Variants in CACNA2D3 observed in about 807,000 individuals in gnomAD.
CACNA2D3 encodes voltage-dependent calcium channel subunit alpha-2/delta-3.
In CACNA2D3, 60 loss-of-function variants were observed where a neutral mutation model predicts 160.6. That is an observed-to-expected ratio of 0.37 (90% confidence interval 0.30 to 0.46). The LOEUF (loss-of-function observed/expected upper bound fraction) is 0.46. Among genes scored for constraint, CACNA2D3 ranks in the 20% least tolerant of loss-of-function variants. The pLI, the probability that CACNA2D3 is intolerant of heterozygous loss-of-function variation, is 1.00. For synonymous variants in CACNA2D3, 558 were observed against 492.9 expected (o/e 1.13, Z -1.75); for missense variants, 1,205 against 1,365.0 (o/e 0.88, Z 1.85).
chr3:54,640,965 G>A (rs535257789), intron 10 of CACNA2D3, among the ~76,000 whole-genome samples: 5 of 151,810 alleles, frequency 3.3e-5, no homozygotes, highest in African/African-American at 1.2e-4. Context: ...AAGAGAGGTT[G>A]TGCAATCCTA....
intron 14 of CACNA2D3, among the ~76,000 whole-genome samples, chr3:54,826,108 G>A (rs1383536960): frequency 6.6e-6 from 1 of 152,106 alleles, no homozygotes; most frequent in African/African-American, 2.4e-5. Flanking sequence ...CTGCCTTTTG[G>A]TTTTTCTTAG....
At chr3:54,469,155 A>C (rs888107670) in intron 4 of CACNA2D3, among the ~76,000 whole-genome samples, 1 of 152,174 alleles carries the variant, frequency 6.6e-6, no homozygotes, top group Non-Finnish European at 1.5e-5. Context: ...GCAAGGGTCA[A>C]TAGACACCTC....
chr3:54,549,451 C>CAA (rs1293486952), intron 5 of CACNA2D3, among the ~76,000 whole-genome samples: 2 of 151,778 alleles, frequency 1.3e-5, no homozygotes, highest in Non-Finnish European at 2.9e-5. Context: ...GTCTCAAAAA[C>CAA]AAAAAAAACA....
At chr3:55,007,428 G>A (rs1044824584) in intron 32 of CACNA2D3, among the ~76,000 whole-genome samples, 2 of 152,202 alleles carry the variant, frequency 1.3e-5, no homozygotes, top group Non-Finnish European at 2.9e-5. Flanking sequence ...ATTACCATTT[G>A]AAATTAGTTA....
intron 25 of CACNA2D3, among the ~76,000 whole-genome samples, chr3:54,894,432 G>T (rs1269942468): frequency 2.6e-5 from 4 of 152,082 alleles, no homozygotes; most frequent in Non-Finnish European, 2.9e-5. Flanking sequence ...CAGCATTCCA[G>T]ATCTATTGCC....
At chr3:54,819,099 G>C (rs754209677) in intron 14 of CACNA2D3, among the ~76,000 whole-genome samples, 2 of 151,746 alleles carry the variant, frequency 1.3e-5, no homozygotes. Context: ...CTTGCAAGAG[G>C]CCTTTGCCAG....
intron 4 of CACNA2D3, among the ~76,000 whole-genome samples, chr3:54,439,709 G>T (rs975779862): frequency 5.9e-5 from 9 of 152,104 alleles, no homozygotes; most frequent in Non-Finnish European, 1.3e-4. Flanking sequence ...GCATGGCTTG[G>T]GGGAGGCAGT....
intron 10 of CACNA2D3, among the ~76,000 whole-genome samples, chr3:54,628,558 C>A (rs1699171332): frequency 2.0e-5 from 3 of 152,008 alleles, no homozygotes; most frequent in African/African-American, 7.3e-5. Context: ...TAGAAGCAAC[C>A]CTAGGAGGGC....
At chr3:54,553,459 C>A (rs1702192156) in intron 5 of CACNA2D3, among the ~76,000 whole-genome samples, 1 of 152,198 alleles carries the variant, frequency 6.6e-6, no homozygotes, top group Non-Finnish European at 1.5e-5. Flanking sequence ...GAGAGGTGCA[C>A]AGCTTTGAAG....
rs1236981156 is a variant in CACNA2D3 at position 54,859,981 on chromosome 3, C to CAA, written c.1627-11557_1627-11556insAA. On this transcript the variant is annotated intron_variant, in intron 17 of 37. Transcript: ENST00000474759. ...CATCTGGAAAGTAGATGCACACACA[C>CAA]ACACACACACACACACACACACACA... 4.0e-5 allele frequency among the ~76,000 whole-genome samples: 6 copies of CAA among 149,778 alleles called. No homozygotes were observed. In the East Asian group the frequency reaches 8.2e-4, roughly 20 times the overall value.
chr3:54,419,947 G>C (rs1047946225), intron 4 of CACNA2D3, among the ~76,000 whole-genome samples: 3 of 151,998 alleles, frequency 2.0e-5, no homozygotes, highest in Non-Finnish European at 4.4e-5. Context: ...TGTATTTTTA[G>C]TAGAGACGGG....
chr3:54,347,163 G>A (rs987284546), intron 3 of CACNA2D3, among the ~76,000 whole-genome samples: 2 of 152,180 alleles, frequency 1.3e-5, no homozygotes, highest in Non-Finnish European at 2.9e-5. Flanking sequence ...GGGCCCGGTT[G>A]GCACCTTATG....
chr3:54,199,663 G>A (rs948934513), intron 2 of CACNA2D3, among the ~76,000 whole-genome samples: 4 of 151,980 alleles, frequency 2.6e-5, no homozygotes, highest in Non-Finnish European at 5.9e-5. Context: ...TTGCTCTTCA[G>A]AGGCCCTTAA....
chr3:54,850,076 A>G (rs2106781286), intron 17 of CACNA2D3, among the ~76,000 whole-genome samples: 1 of 152,140 alleles, frequency 6.6e-6, no homozygotes, highest in Non-Finnish European at 1.5e-5. Flanking sequence ...TGCTGAAGCA[A>G]TGCTTCTCTG....
At chr3:55,007,021 A>C (rs1278721490) in intron 32 of CACNA2D3, among the ~76,000 whole-genome samples, 1 of 152,210 alleles carries the variant, frequency 6.6e-6, no homozygotes, top group African/African-American at 2.4e-5. Flanking sequence ...AAGTTCACCC[A>C]CCACTCACAT....
rs138273925 is a variant in CACNA2D3, at chr3:54,792,571, CTG to C, written c.1381-24277_1381-24276del. On this transcript the variant is annotated intron_variant, in intron 13 of 37. Transcript: ENST00000474759. ...TGCCATCTCTTGGCTCTGTTTTCCT[CTG>C]TGTGGTTTTATTTTCAGATGAGGCT... Among the ~76,000 whole-genome samples the C allele has an allele frequency of 2.4e-3, 366 of 152,256 alleles. 2 individuals carry two copies. The highest frequency in any genetic ancestry group is 8.0e-3 in the African/African-American group (332 of 41,572).
At chr3:54,946,533 C>A (rs923138851) in intron 27 of CACNA2D3, among the ~76,000 whole-genome samples, 2 of 152,150 alleles carry the variant, frequency 1.3e-5, no homozygotes, top group African/African-American at 4.8e-5. Context: ...GAGAAAGCCT[C>A]TTAGAAACAG....
intron 6 of CACNA2D3, among the ~76,000 whole-genome samples, chr3:54,566,328 C>T (rs974033952): frequency 3.9e-5 from 6 of 152,198 alleles, no homozygotes; most frequent in African/African-American, 1.4e-4. Context: ...TTATGACCAT[C>T]TCATCTAATG....
intron 35 of CACNA2D3, among the ~76,000 whole-genome samples, chr3:55,057,675 T>C (rs1366083498): frequency 6.6e-6 from 1 of 152,238 alleles, no homozygotes; most frequent in African/African-American, 2.4e-5. Context: ...TGCCCATTAA[T>C]TTAATTTCAC....
Sources: gnomAD v4.1 joint callset for allele counts (sites outside exome capture counted in the v4.1 genomes callset) on GRCh38, gnomAD v4.1.1 for gene constraint, MANE v1.5 for transcripts, NCBI Gene and HGNC (gene_info 2026-07-23, HGNC 2026-07-21) for gene names.